HYCC1: variants seen among roughly 807,000 people sequenced by gnomAD.
The protein encoded by HYCC1 is hyccin.
At chr7:22,991,933 T>C in the HYCC1 span, among the ~76,000 whole-genome samples, 20 of 152,200 alleles carry the variant, frequency 1.3e-4, no homozygotes, top group South Asian at 3.9e-3. Context: ...AGTAGAAACT[T>C]AGGTAGAGTA....
At chr7:22,932,489 A>C in the HYCC1 span, among the ~76,000 whole-genome samples, 51 of 152,212 alleles carry the variant, frequency 3.4e-4, no homozygotes, top group Non-Finnish European at 6.2e-4. Context: ...GATTGGAAAT[A>C]TCTCTCTTAT....
the HYCC1 span, chr7:22,945,530 A>G: frequency 7.5e-7 from 1 of 1,325,130 alleles, no homozygotes; most frequent in Admixed American, 1.7e-5. Context: ...GTACTTTCAT[A>G]AAGAAGCAAA....
At chr7:22,973,134 C>T in the HYCC1 span, among the ~76,000 whole-genome samples, 120 of 152,304 alleles carry the variant, frequency 7.9e-4, no homozygotes, top group African/African-American at 2.6e-3. Flanking sequence ...CATGTAACAG[C>T]AGGATCACTT....
At chr7:22,988,991 G>T in the HYCC1 span, among the ~76,000 whole-genome samples, 29,234 of 151,894 alleles carry the variant, frequency 0.19, 3,406 homozygotes, top group Non-Finnish European at 0.27. Context: ...GGAGGGGAAG[G>T]GAATAAACAA....
the HYCC1 span, chr7:23,013,969 G>C: frequency 2.3e-5 from 11 of 470,826 alleles, no homozygotes; most frequent in South Asian, 6.2e-5. Flanking sequence ...CGACTCGTGA[G>C]GCTCTCAGCG....
the HYCC1 span, among the ~76,000 whole-genome samples, chr7:22,968,365 C>T: frequency 9.2e-4 from 140 of 152,276 alleles, no homozygotes; most frequent in African/African-American, 3.1e-3. Flanking sequence ...GATCTGAGAC[C>T]ATACCAACAA....
chr7:22,957,940 T>C, the HYCC1 span, among the ~76,000 whole-genome samples: 1 of 151,782 alleles, frequency 6.6e-6, no homozygotes, highest in Non-Finnish European at 1.5e-5. Flanking sequence ...GATTTATATA[T>C]AAATATTAAC....
the HYCC1 span, among the ~76,000 whole-genome samples, chr7:22,983,212 C>T: frequency 0.026 from 4,008 of 151,780 alleles, 78 homozygotes; most frequent in East Asian, 0.11. Flanking sequence ...GACTGAAGTA[C>T]CAGCTATTGG....
the HYCC1 span, among the ~76,000 whole-genome samples, chr7:22,954,542 A>G: frequency 6.6e-6 from 1 of 151,422 alleles, no homozygotes; most frequent in Non-Finnish European, 1.5e-5. Context: ...GATGGCATCC[A>G]TTAAAGAGAA....
chr7:22,943,435 A>G, the HYCC1 span: 2 of 152,166 alleles, frequency 1.3e-5, no homozygotes, highest in East Asian at 1.9e-4. Context: ...GAAATTCTGC[A>G]TTTTTAACAA....
At chr7:22,992,286 GTCATTCAT>G in the HYCC1 span, among the ~76,000 whole-genome samples, 3 of 151,856 alleles carry the variant, frequency 2.0e-5, no homozygotes, top group Non-Finnish European at 4.4e-5. Flanking sequence ...ACATTTTTTG[GTCATTCAT>G]TCATTCATTC....
At chr7:22,980,805 CA>C in the HYCC1 span, among the ~76,000 whole-genome samples, 1 of 152,090 alleles carries the variant, frequency 6.6e-6, no homozygotes, top group Non-Finnish European at 1.5e-5. Flanking sequence ...GTAGGTCTTT[CA>C]AAAAACAGCT....
chr7:22,978,764 C>T, the HYCC1 span, among the ~76,000 whole-genome samples: 1 of 152,146 alleles, frequency 6.6e-6, no homozygotes, highest in Admixed American at 6.5e-5. Context: ...GGCTAAATAA[C>T]TACAGACTCC....
the HYCC1 span, chr7:23,014,090 A>G: frequency 1.3e-5 from 6 of 470,198 alleles, no homozygotes; most frequent in Non-Finnish European, 2.6e-5. Context: ...TCACTGACTG[A>G]CAACCCAGCC....
chr7:22,908,364 G>A, the HYCC1 span, among the ~76,000 whole-genome samples: 4 of 152,224 alleles, frequency 2.6e-5, no homozygotes, highest in East Asian at 3.9e-4. Context: ...TTCTTGTATG[G>A]CACTGTTGTG....
chr7:22,978,378 G>A, the HYCC1 span: 47 of 1,613,916 alleles, frequency 2.9e-5, no homozygotes, highest in Admixed American at 1.3e-4. Context: ...AAATTGCAGC[G>A]TAAATTGAAG....
At chr7:22,924,177 C>CAA in the HYCC1 span, among the ~76,000 whole-genome samples, 6,869 of 95,268 alleles carry the variant, frequency 0.072, 331 homozygotes, top group Middle Eastern at 0.13. Context: ...GACTCTGTAT[C>CAA]AAAAAAAAAA....
At chr7:22,946,068 C>T in the HYCC1 span, 1 of 1,613,618 alleles carries the variant, frequency 6.2e-7, no homozygotes, top group Non-Finnish European at 8.5e-7. Flanking sequence ...TTTGATAAAC[C>T]CGACTGGCTG....
the HYCC1 span, among the ~76,000 whole-genome samples, chr7:22,921,196 C>A: frequency 1.3e-5 from 2 of 152,118 alleles, no homozygotes; most frequent in African/African-American, 4.8e-5. Flanking sequence ...GTATATAAAA[C>A]TACATGTATG....
Sources: allele counts gnomAD v4.1 joint callset (sites outside exome capture counted in the v4.1 genomes callset), GRCh38; gene constraint gnomAD v4.1.1; transcripts MANE v1.5; gene names NCBI Gene and HGNC (gene_info 2026-07-23, HGNC 2026-07-21).